Variants in FLYWCH2 observed in about 807,000 individuals in gnomAD.
FLYWCH2 encodes FLYWCH family member 2.
FLYWCH2 carries 2 observed loss-of-function variants against 6.0 expected under a neutral mutation model. The observed-to-expected ratio is 0.33, with a 90% CI of 0.14 to 1.04. FLYWCH2 has a LOEUF of 1.04. Ranked by LOEUF, FLYWCH2 falls within the 50% of genes least tolerant of loss-of-function variation. FLYWCH2 has a pLI of 0.45. For missense variants in FLYWCH2, 192 were observed against 183.4 expected (o/e 1.05, Z -0.27); for synonymous variants, 87 against 79.3 (o/e 1.10, Z -0.52).
chr16:2,898,048 T>C (rs554565345), intron 3 of FLYWCH2, among the ~76,000 whole-genome samples: 7 of 152,216 alleles, frequency 4.6e-5, no homozygotes, highest in African/African-American at 1.7e-4. Context: ...GAGAAAAGGT[T>C]CCTTCAGTTT....
chr16:2,886,516 C>CTTTT (rs34052316), intron 1 of FLYWCH2, among the ~76,000 whole-genome samples: 1 of 66,870 alleles, frequency 1.5e-5, no homozygotes, highest in East Asian at 3.6e-4. Flanking sequence ...CCCCTTTGTC[C>CTTTT]TTTTTTTTTT....
intron 3 of FLYWCH2, 77 bp from the exon 4 acceptor site, chr16:2,898,972 C>G: frequency 8.4e-7 from 1 of 1,185,850 alleles, no homozygotes; most frequent in East Asian, 2.7e-5. Context: ...AGAGTGAGGC[C>G]TGGTAGACCC....
intron 1 of FLYWCH2, among the ~76,000 whole-genome samples, chr16:2,886,945 G>A (rs552672485): frequency 6.6e-6 from 1 of 152,094 alleles, no homozygotes; most frequent in Admixed American, 6.6e-5. Flanking sequence ...CATTCTATGG[G>A]TTATCTCTTA....
intron 1 of FLYWCH2, among the ~76,000 whole-genome samples, chr16:2,889,101 A>G (rs1277837702): frequency 2.1e-5 from 3 of 144,536 alleles, no homozygotes; most frequent in African/African-American, 7.9e-5. Context: ...AACCTTTGTC[A>G]GGGCCATTTT....
At chr16:2,883,735 C>T (rs1157799765) in intron 1 of FLYWCH2, among the ~76,000 whole-genome samples, 1 of 152,168 alleles carries the variant, frequency 6.6e-6, no homozygotes, top group Non-Finnish European at 1.5e-5. Flanking sequence ...GAGTTGGAGG[C>T]GTGAGATACT....
chr16:2,896,556 C>T lies in FLYWCH2; in HGVS notation c.107C>T (p.Pro36Leu). 6.2e-7 allele frequency: 1 copy of T among 1,614,192 alleles called. No individual in the cohort carries two copies. Among genetic ancestry groups the T allele is most frequent in the Non-Finnish European group, 8.5e-7 (1 of 1,180,028 alleles). The stretch of plus-strand genomic sequence containing the variant: ...GTCATCCCGGCAGCCCCCAGGAAGC[C>T]CAGAAAGTTCTCCAAACTGGTCCTG... ...TEVIPAAPRK[P>L]RKFSKLVLLT... Residue 36 changes from proline (P) to leucine (L), a missense_variant, in exon 3 of 4, where the codon CCC becomes CTC. By Grantham distance (98) the Pro-to-Leu change is moderately conservative. Transcript: ENST00000396958.
intron 3 of FLYWCH2, 91 bp downstream of exon 3, chr16:2,896,862 G>C: frequency 8.2e-7 from 1 of 1,222,316 alleles, no homozygotes; most frequent in Non-Finnish European, 1.1e-6. Flanking sequence ...CTTCTCCCTG[G>C]CATGCGGGTC....
rs368344046 is a variant in FLYWCH2 at position 2,894,525 on chromosome 16, G to A, written c.-199-695G>A. Among the ~76,000 whole-genome samples, 13 of 152,308 alleles carry A rather than the reference G, an allele frequency of 8.5e-5. No individual in the cohort carries two copies. The South Asian group carries it at 1.9e-3, about 22-fold the overall frequency. ...CTTTACGGCCCCAGAGTGGCCCCCA[G>A]GTCCCCGGCATCCCCACATCGCCCT... On this transcript the variant is annotated intron_variant, in intron 1 of 3. Transcript: ENST00000396958.
chr16:2,887,313 C>CTTTTTTTTTTTTTTT (rs71158114), intron 1 of FLYWCH2, among the ~76,000 whole-genome samples: 2 of 72,536 alleles, frequency 2.8e-5, no homozygotes, highest in African/African-American at 4.8e-5. Flanking sequence ...GCCCGGCTTT[C>CTTTTTTTTTTTTTTT]TTTTTTTTTT....
chr16:2,890,575 C>T (rs56052805), intron 1 of FLYWCH2, among the ~76,000 whole-genome samples: 60,906 of 149,156 alleles, frequency 0.41, 12,649 homozygotes, highest in Non-Finnish European at 0.45. Context: ...CCACCACGCC[C>T]GGCCAATTTT....
At position 2,887,998 on chromosome 16, in the gene FLYWCH2, T is replaced by TTTTG. The variant is rs3066091; in HGVS notation, c.-200+4652_-200+4655dup. 4.1e-3 allele frequency among the ~76,000 whole-genome samples: 620 copies of TTTTG among 151,228 alleles called. 6 individuals are homozygous for TTTTG. Among genetic ancestry groups the TTTTG allele is most frequent in the African/African-American group, 0.013 (548 of 41,082 alleles). ...TATTCTGTTGATCTCTGTGTCTGTG[T>TTTTG]TTTGTTTGTTTGTTTGTTTGTTTTT... On this transcript the variant is annotated intron_variant, in intron 1 of 3. Coordinates refer to ENST00000396958, the MANE Select transcript of FLYWCH2 (RefSeq NM_138439.3).
chr16:2,892,085 G>C (rs1236172057), intron 1 of FLYWCH2, among the ~76,000 whole-genome samples: 3 of 151,814 alleles, frequency 2.0e-5, no homozygotes, highest in East Asian at 2.0e-4. Context: ...CCAGCTACTC[G>C]GGAGGCTGAG....
In FLYWCH2 at chr16:2,896,401, AC is replaced by A. The variant is rs1429201300; in HGVS notation, c.-47del. 1.3e-6 allele frequency: 2 copies of A among 1,544,110 alleles called. No homozygotes were observed. Among genetic ancestry groups the A allele is most frequent in the South Asian group, 2.5e-5 (2 of 80,770 alleles). On this transcript the variant is annotated 5_prime_UTR_variant, in exon 3 of 4. Coordinates refer to ENST00000396958, the MANE Select transcript of FLYWCH2 (RefSeq NM_138439.3). ...CCTTGCCTGGGAGTAGGAGAAATCC[AC>A]CTGCTGGGGGCTGAGTGTGGCCTGA...
chr16:2,884,216 A>G (rs894505390), intron 1 of FLYWCH2, among the ~76,000 whole-genome samples: 3 of 152,142 alleles, frequency 2.0e-5, no homozygotes, highest in African/African-American at 7.2e-5. Context: ...CGTTACGCAG[A>G]TGAAACCTGC....
At chr16:2,885,818 G>T (rs185262834) in intron 1 of FLYWCH2, among the ~76,000 whole-genome samples, 74 of 152,274 alleles carry the variant, frequency 4.9e-4, no homozygotes, top group Admixed American at 4.8e-3. Context: ...ATGTGGACAT[G>T]TGTTTTCCTT....
chr16:2,883,765 G>C (rs1567301391), intron 1 of FLYWCH2, among the ~76,000 whole-genome samples: 2 of 152,358 alleles, frequency 1.3e-5, no homozygotes, highest in East Asian at 1.9e-4. Flanking sequence ...GAGACACTCG[G>C]GGCCTCAGGG....
rs761995115 is a variant in FLYWCH2, at chr16:2,896,656, G to A, written c.207G>A (p.Gly69=). Residue 69 remains glycine, a synonymous_variant, in exon 3 of 4, where the codon GGG becomes GGA. Transcript: ENST00000396958. ...GTGTGCACTGTGTCATGTCCCTGGG[G>A]GTGCCCGGCCCCGCCACCCTTGCCA... ...RKGVHCVMSL[G]VPGPATLAKA... 7 of 1,613,504 alleles carry A rather than the reference G, an allele frequency of 4.3e-6. No individual in the cohort carries two copies. In the Middle Eastern group the frequency reaches 6.6e-4, roughly 152 times the overall value.
intron 2 of FLYWCH2, 32 bp from the exon 3 acceptor site, chr16:2,896,320 C>T (rs1053847956): frequency 9.4e-5 from 116 of 1,230,428 alleles, no homozygotes; most frequent in Non-Finnish European, 3.1e-5. Context: ...CAAGGGCTTC[C>T]ACCACTGACG....
At chr16:2,898,956 G>T in intron 3 of FLYWCH2, 93 bp from the exon 4 acceptor site, 1 of 916,688 alleles carries the variant, frequency 1.1e-6, no homozygotes, top group Non-Finnish European at 1.6e-6. Flanking sequence ...TCCACTGGTT[G>T]GGGTGAGAGT....
Sources: gnomAD v4.1 joint callset for allele counts (sites outside exome capture counted in the v4.1 genomes callset) on GRCh38, gnomAD v4.1.1 for gene constraint, MANE v1.5 for transcripts, NCBI Gene and HGNC (gene_info 2026-07-23, HGNC 2026-07-21) for gene names.